Variants in THSD7B observed in about 807,000 individuals in gnomAD.
THSD7B encodes thrombospondin type 1 domain containing 7B.
THSD7B carries 138 observed loss-of-function variants against 213.6 expected under a neutral mutation model. That is an observed-to-expected ratio of 0.65 (90% CI 0.56 to 0.74). THSD7B has a LOEUF of 0.74. Among genes scored for constraint, THSD7B ranks in the 30% least tolerant of loss-of-function variants. The probability of loss-of-function intolerance (pLI) is 0.00; values close to 1 mark genes in which losing one functional copy is unlikely to be tolerated. For synonymous variants in THSD7B, 742 were observed against 687.0 expected (o/e 1.08, Z -1.25); for missense variants, 1,931 against 1,991.5 (o/e 0.97, Z 0.58).
In THSD7B at chr2:137,069,337, A is replaced by C. The variant is rs11903190; in HGVS notation, c.950+12107A>C. On this transcript the variant is annotated intron_variant, in intron 3 of 27. Coordinates refer to ENST00000409968, the MANE Select transcript of THSD7B (RefSeq NM_001316349.2). ...TTTTGTTTCACCTTGTTTCCTTTTT[A>C]TTTTTTTGGAGTAAAAGTACATCTG... Among the ~76,000 whole-genome samples the C allele has an allele frequency of 6.5e-3, 984 of 151,644 alleles. 12 individuals are homozygous for C. Among genetic ancestry groups the C allele is most frequent in the African/African-American group, 0.023 (936 of 41,380 alleles).
At chr2:137,403,127 C>T (rs945607558) in intron 12 of THSD7B, among the ~76,000 whole-genome samples, 6 of 151,726 alleles carry the variant, frequency 4.0e-5, no homozygotes, top group South Asian at 4.1e-4. Context: ...TGGATAAAAA[C>T]GAAAACAAAA....
At chr2:137,249,172 A>G (rs932823887) in intron 10 of THSD7B, among the ~76,000 whole-genome samples, 12 of 152,232 alleles carry the variant, frequency 7.9e-5, no homozygotes, top group Middle Eastern at 3.4e-3. Context: ...TCATTAAAAA[A>G]CACCTTTTCC....
In THSD7B at chr2:137,169,698, G is replaced by A. The variant is rs941352652; in HGVS notation, c.1526-1043G>A. On this transcript the variant is annotated intron_variant, in intron 6 of 27. Coordinates refer to ENST00000409968, the MANE Select transcript of THSD7B (RefSeq NM_001316349.2). ...TGTTGATTGAATTTGGAATAGAAAC[G>A]ATGGAAGGTATGAGATCCACAAAAG... Among the ~76,000 whole-genome samples the A allele has an allele frequency of 7.6e-4, 115 of 152,276 alleles. 2 individuals carry two copies. The highest frequency in any genetic ancestry group is 6.7e-3 in the Admixed American group (103 of 15,288).
At chr2:137,197,560 C>T (rs76137110) in intron 7 of THSD7B, among the ~76,000 whole-genome samples, 2,482 of 151,994 alleles carry the variant, frequency 0.016, 48 homozygotes, top group African/African-American at 0.056. Flanking sequence ...GAAATTAGGA[C>T]CCTGTGAAAT....
intron 8 of THSD7B, among the ~76,000 whole-genome samples, chr2:137,231,723 G>C (rs564479913): frequency 6.6e-6 from 1 of 152,188 alleles, no homozygotes; most frequent in Admixed American, 6.5e-5. Flanking sequence ...CAGGAGGGGG[G>C]CACATCATGG....
intron 1 of THSD7B, among the ~76,000 whole-genome samples, chr2:136,865,382 G>A (rs1402433900): frequency 6.6e-6 from 1 of 152,170 alleles, no homozygotes; most frequent in African/African-American, 2.4e-5. Context: ...TAAAAAAGGA[G>A]AGCACCTATT....
chr2:137,215,093 T>C (rs971858466), intron 7 of THSD7B, among the ~76,000 whole-genome samples: 1 of 152,162 alleles, frequency 6.6e-6, no homozygotes, highest in Non-Finnish European at 1.5e-5. Flanking sequence ...CTCCAGCACC[T>C]GTTGTTTCCT....
chr2:136,991,204 C>A (rs1446246917), intron 2 of THSD7B, among the ~76,000 whole-genome samples: 8 of 152,070 alleles, frequency 5.3e-5, no homozygotes, highest in Admixed American at 5.2e-4. Flanking sequence ...TTTGGTGATA[C>A]AAAATAGAGC....
chr2:137,125,541 G>A (rs552150809), intron 5 of THSD7B, among the ~76,000 whole-genome samples: 2 of 152,218 alleles, frequency 1.3e-5, no homozygotes, highest in Non-Finnish European at 2.9e-5. Context: ...CACATGTGTA[G>A]TTACTTATTC....
intron 2 of THSD7B, among the ~76,000 whole-genome samples, chr2:136,954,740 T>TAAAAAAAAAAAAAAAAAAAAAAG (rs773677139): frequency 4.4e-5 from 6 of 137,492 alleles, no homozygotes; most frequent in African/African-American, 1.9e-4. Flanking sequence ...AAAAAGAAAT[T>TAAAAAAAAAAAAAAAAAAAAAAG]ACATAAGAGC....
Position 137,056,448 on chromosome 2 carries a change from T to G in THSD7B, c.168T>G (p.Cys56Trp). 1 of 1,613,822 alleles carries G rather than the reference T, an allele frequency of 6.2e-7. No individual in the cohort carries two copies. Residue 56 changes from cysteine (C) to tryptophan (W), a missense_variant, in exon 3 of 28, where the codon TGT becomes TGG. Transcript: ENST00000409968. Reference sequence around the variant, plus strand: ...CGTGGGGAAGGTGTACAGGAGACTGTGGTCCCGGAGGAGTCCAGAGTCGGG... The same window carrying G: ...CGTGGGGAAGGTGTACAGGAGACTGGGGTCCCGGAGGAGTCCAGAGTCGGG... ...PGPWGRCTGD[C>W]GPGGVQSRAV...
chr2:137,170,269 T>A (rs1333270608), intron 6 of THSD7B, among the ~76,000 whole-genome samples: 1 of 152,112 alleles, frequency 6.6e-6, no homozygotes, highest in Non-Finnish European at 1.5e-5. Flanking sequence ...CTCAGTGACA[T>A]GATGCAGATA....
intron 12 of THSD7B, among the ~76,000 whole-genome samples, chr2:137,303,928 A>T (rs1683677223): frequency 6.6e-6 from 1 of 151,072 alleles, no homozygotes; most frequent in African/African-American, 2.4e-5. Flanking sequence ...CATCTACATT[A>T]GGTATTTCTC....
chr2:136,978,220 A>G (rs1685515521), intron 2 of THSD7B, among the ~76,000 whole-genome samples: 1 of 152,138 alleles, frequency 6.6e-6, no homozygotes, highest in South Asian at 2.1e-4. Context: ...TATGTGATCA[A>G]TTTTAGAGTA....
chr2:136,786,244 G>A (rs77154911), intron 1 of THSD7B, among the ~76,000 whole-genome samples: 5,096 of 151,992 alleles, frequency 0.034, 167 homozygotes, highest in East Asian at 0.17. Flanking sequence ...TCTGTCTGTC[G>A]GTATACATAT....
intron 1 of THSD7B, among the ~76,000 whole-genome samples, chr2:136,785,946 T>C (rs572317667): frequency 1.6e-3 from 247 of 152,314 alleles, no homozygotes; most frequent in Non-Finnish European, 1.8e-3. Flanking sequence ...TGAGTTCTTT[T>C]CCCTCCACGT....
intron 15 of THSD7B, among the ~76,000 whole-genome samples, chr2:137,516,859 G>C (rs1440302627): frequency 6.6e-6 from 1 of 152,200 alleles, no homozygotes; most frequent in African/African-American, 2.4e-5. Flanking sequence ...TTCTCCAAGG[G>C]ATTGCGGAGA....
chr2:137,032,530 TCC>T (rs1686694906), intron 2 of THSD7B, among the ~76,000 whole-genome samples: 1 of 152,166 alleles, frequency 6.6e-6, no homozygotes, highest in South Asian at 2.1e-4. Flanking sequence ...GCTTATTCTC[TCC>T]CTCTCTCTCT....
At chr2:137,227,164 G>T (rs142550837) in intron 7 of THSD7B, among the ~76,000 whole-genome samples, 6 of 152,268 alleles carry the variant, frequency 3.9e-5, no homozygotes, top group Non-Finnish European at 8.8e-5. Context: ...AAATGCCACT[G>T]AAATGTTTAC....
Sources: gnomAD v4.1 joint callset for allele counts (sites outside exome capture counted in the v4.1 genomes callset) on GRCh38, gnomAD v4.1.1 for gene constraint, MANE v1.5 for transcripts, NCBI Gene and HGNC (gene_info 2026-07-23, HGNC 2026-07-21) for gene names.